SMIM3: variants seen among roughly 807,000 people sequenced by gnomAD.
SMIM3 encodes NGF-induced differentiation clone 67 protein.
SMIM3 carries 4 observed loss-of-function variants against 2.1 expected under a neutral mutation model. That is an observed-to-expected ratio of 1.89 (90% CI 0.93 to 4.31). The LOEUF (loss-of-function observed/expected upper bound fraction) is 4.31, where lower values mean the gene tolerates loss of function less well. Ranked by LOEUF, SMIM3 falls within the 30% of genes most tolerant of loss-of-function variation. The pLI is 0.01. For missense variants in SMIM3, 79 were observed against 77.7 expected (o/e 1.02, Z -0.06); for synonymous variants, 29 against 30.8 (o/e 0.94, Z 0.19).
Position 150,783,016 on chromosome 5 carries a change from T to G in SMIM3, c.-12+4044T>G, listed in dbSNP as rs555321615. 3.9e-5 allele frequency among the ~76,000 whole-genome samples: 6 copies of G among 152,286 alleles called. No individual in the cohort carries two copies. The East Asian group carries it at 1.2e-3, about 29-fold the overall frequency. ...AGCAACAAACAAGCTAATTTTAGAT[T>G]GTGAAAAGCATATGCAGAAAATAAA... On this transcript the variant is annotated intron_variant, in intron 1 of 1. Coordinates refer to ENST00000526627, the MANE Select transcript of SMIM3 (RefSeq NM_032947.5).
intron 1 of SMIM3, among the ~76,000 whole-genome samples, chr5:150,787,227 G>T (rs1421779243): frequency 1.3e-5 from 2 of 152,188 alleles, no homozygotes; most frequent in South Asian, 2.1e-4. Flanking sequence ...CCTAAATGAA[G>T]CTTAGAGTCC....
chr5:150,795,323 A>T, intron 1 of SMIM3, 107 bp from the exon 2 acceptor site: 1 of 1,156,886 alleles, frequency 8.6e-7, no homozygotes, highest in Non-Finnish European at 1.3e-6. Context: ...CTTAAAGTTT[A>T]CATATCTGGT....
At position 150,795,706 on chromosome 5, in the gene SMIM3, G is replaced by C. The variant is rs1753397954; in HGVS notation, c.*83G>C. On this transcript the variant is annotated 3_prime_UTR_variant, in exon 2 of 2. Transcript: ENST00000526627. ...TCCTGTCTTCAGAAAAGCAGCAGGA[G>C]GGACTTTGGGGCATGGACCTGAGTT... 6 of 1,432,258 alleles carry C rather than the reference G, an allele frequency of 4.2e-6. No homozygotes were observed. Among genetic ancestry groups the C allele is most frequent in the South Asian group, 2.6e-5 (2 of 75,868 alleles). 88.7% of individuals were successfully genotyped at this position (1,432,258 alleles called of 1,614,324 possible).
Position 150,795,620 on chromosome 5 carries a change from T to C in SMIM3, c.180T>C (p.Val60=). ...CTCATCCGATCCTTAGTGGGGCTGT[T>C]TGAGAGCCTCCCAAGAGGGCCGGGT... ...MRTHPILSGA[V] Residue 60 remains valine, a synonymous_variant, in exon 2 of 2, where the codon GTT becomes GTC. Coordinates refer to ENST00000526627, the MANE Select transcript of SMIM3 (RefSeq NM_032947.5). 6.5e-7 allele frequency: 1 copy of C among 1,544,820 alleles called. No homozygotes were observed. The highest frequency in any genetic ancestry group is 1.2e-5 in the South Asian group (1 of 84,850).
chr5:150,788,568 A>G (rs1581622126), intron 1 of SMIM3, among the ~76,000 whole-genome samples: 1 of 149,522 alleles, frequency 6.7e-6, no homozygotes, highest in Admixed American at 6.7e-5. Context: ...TGGGAGGTAC[A>G]GGATGCAGTG....
intron 1 of SMIM3, among the ~76,000 whole-genome samples, chr5:150,783,880 G>A (rs534970574): frequency 3.3e-5 from 5 of 151,284 alleles, no homozygotes; most frequent in African/African-American, 4.9e-5. Flanking sequence ...AAGCAGTCAC[G>A]GCACCCTAAC....
At chr5:150,790,852 G>T (rs1753342697) in intron 1 of SMIM3, among the ~76,000 whole-genome samples, 1 of 152,046 alleles carries the variant, frequency 6.6e-6, no homozygotes, top group African/African-American at 2.4e-5. Flanking sequence ...ACTTACCATG[G>T]TATGTGGCAT....
chr5:150,779,838 G>GGGGGGGGGGGGGC, intron 1 of SMIM3, among the ~76,000 whole-genome samples: 2 of 78,036 alleles, frequency 2.6e-5, no homozygotes, highest in African/African-American at 3.8e-5. Flanking sequence ...AACCCCCCCC[G>GGGGGGGGGGGGGC]CCCCCCCCAC....
Position 150,778,769 on chromosome 5 carries a change from C to G in SMIM3, c.-215C>G, listed in dbSNP as rs577635257. ...CCCCAGCAGCCGCGCATTCCAGAGC[C>G]AGCAGCGCGTCCTGGCCGCTCCTGC... On this transcript the variant is annotated 5_prime_UTR_variant, in exon 1 of 2. Transcript: ENST00000526627. The G allele has an allele frequency of 4.4e-5, 20 of 457,220 alleles. No homozygotes were observed. The East Asian group carries it at 1.3e-3, about 30-fold the overall frequency. The allele number at this position is 457,220 out of a possible 1,614,324, so 28.3% of individuals were successfully genotyped here. A position where few individuals can be genotyped will look rare whatever the true frequency, so the allele number is the denominator to read the frequency against.
rs1343616436 is a variant in SMIM3, at chr5:150,778,852, G to A, written c.-132G>A. On this transcript the variant is annotated 5_prime_UTR_variant, in exon 1 of 2. Transcript: ENST00000526627. Reference sequence around the variant, plus strand: ...GGGCACGTTCCAGGAGCTGCCTAGGGCTGAGGTTCCAGGCCTGGGGGTCGC... The same window carrying A: ...GGGCACGTTCCAGGAGCTGCCTAGGACTGAGGTTCCAGGCCTGGGGGTCGC... The A allele has an allele frequency of 2.1e-6, 1 of 484,106 alleles. No homozygotes were observed. Among genetic ancestry groups the A allele is most frequent in the South Asian group, 1.5e-5 (1 of 65,368 alleles). 30.0% of individuals were successfully genotyped at this position (484,106 alleles called of 1,614,324 possible).
At chr5:150,779,838 G>GC (rs771516973) in intron 1 of SMIM3, among the ~76,000 whole-genome samples, 24 of 77,934 alleles carry the variant, frequency 3.1e-4, no homozygotes, top group African/African-American at 8.0e-4. Context: ...AACCCCCCCC[G>GC]CCCCCCCCAC....
intron 1 of SMIM3, among the ~76,000 whole-genome samples, chr5:150,781,167 G>C (rs115969196): frequency 5.9e-5 from 9 of 152,164 alleles, no homozygotes; most frequent in African/African-American, 2.2e-4. Flanking sequence ...TAATTTGAAC[G>C]CAGGCACCCT....
At chr5:150,782,807 C>T (rs985299422) in intron 1 of SMIM3, among the ~76,000 whole-genome samples, 2 of 152,184 alleles carry the variant, frequency 1.3e-5, no homozygotes, top group Non-Finnish European at 2.9e-5. Context: ...AAATAATCTT[C>T]CCATATTCAT....
At chr5:150,784,264 A>T (rs1753268332) in intron 1 of SMIM3, among the ~76,000 whole-genome samples, 1 of 152,166 alleles carries the variant, frequency 6.6e-6, no homozygotes. Flanking sequence ...TTTAACCTCC[A>T]GAGCATCCCT....
At chr5:150,785,580 C>CTTTTTTTTTTTTTTTT (rs35273478) in intron 1 of SMIM3, among the ~76,000 whole-genome samples, 2 of 113,678 alleles carry the variant, frequency 1.8e-5, no homozygotes, top group African/African-American at 3.0e-5. Context: ...TATTTCTTTT[C>CTTTTTTTTTTTTTTTT]TTTTTTTTTT....
intron 1 of SMIM3, among the ~76,000 whole-genome samples, chr5:150,780,669 G>C (rs1753223748): frequency 6.6e-6 from 1 of 152,094 alleles, no homozygotes; most frequent in Non-Finnish European, 1.5e-5. Flanking sequence ...GGGCCCTTGG[G>C]GGTGACAGAC....
chr5:150,788,470 A>G (rs73280135), intron 1 of SMIM3, among the ~76,000 whole-genome samples: 12,460 of 151,664 alleles, frequency 0.082, 713 homozygotes, highest in East Asian at 0.25. Context: ...CCTTATCTCT[A>G]CAAAAAATAC....
Position 150,795,626 on chromosome 5 carries a change from G to C in SMIM3, c.*3G>C. 6.5e-7 allele frequency: 1 copy of C among 1,542,542 alleles called. No individual in the cohort carries two copies. ...CGATCCTTAGTGGGGCTGTTTGAGAGCCTCCCAAGAGGGCCGGGTGAGGGA... is the reference window on the plus strand; with the variant it reads ...CGATCCTTAGTGGGGCTGTTTGAGACCCTCCCAAGAGGGCCGGGTGAGGGA... On this transcript the variant is annotated 3_prime_UTR_variant, in exon 2 of 2. Coordinates refer to ENST00000526627, the MANE Select transcript of SMIM3 (RefSeq NM_032947.5).
At chr5:150,793,981 C>A (rs546249397) in intron 1 of SMIM3, among the ~76,000 whole-genome samples, 2 of 152,032 alleles carry the variant, frequency 1.3e-5, no homozygotes, top group East Asian at 1.9e-4. Context: ...TAAGAAAAAA[C>A]CAAAGAATCC....
Sources: gnomAD v4.1 joint callset for allele counts (sites outside exome capture counted in the v4.1 genomes callset) on GRCh38, gnomAD v4.1.1 for gene constraint, MANE v1.5 for transcripts, NCBI Gene and HGNC (gene_info 2026-07-23, HGNC 2026-07-21) for gene names.